Variants in DIS3L2 observed in about 807,000 individuals in gnomAD.
DIS3L2 encodes the protein DIS3 like 3'-5' exoribonuclease 2.
In DIS3L2, 34 loss-of-function variants were observed where a neutral mutation model predicts 97.5. The observed-to-expected ratio is 0.35, with a 90% CI of 0.27 to 0.46. The LOEUF (loss-of-function observed/expected upper bound fraction) is 0.46, where lower values mean the gene tolerates loss of function less well. DIS3L2 is among the 20% of genes least tolerant of loss of function. The probability of loss-of-function intolerance (pLI) is 1.00; values close to 1 mark genes in which losing one functional copy is unlikely to be tolerated. For synonymous variants in DIS3L2, 435 were observed against 445.2 expected, an observed-to-expected ratio of 0.98 and a Z score of 0.29; for missense variants, 1,038 against 1,146.0, an observed-to-expected ratio of 0.91 and a Z score of 1.36.
chr2:232,052,006 G>A (rs894881090), intron 5 of DIS3L2, among the ~76,000 whole-genome samples: 8 of 151,316 alleles, frequency 5.3e-5, no homozygotes, highest in African/African-American at 1.9e-4. Flanking sequence ...AGTTGATTTT[G>A]GATTTGTTTT....
chr2:232,310,035 C>T (rs999948213), intron 14 of DIS3L2, among the ~76,000 whole-genome samples: 2 of 152,222 alleles, frequency 1.3e-5, no homozygotes, highest in Non-Finnish European at 2.9e-5. Flanking sequence ...CAACACTTCC[C>T]AGTACTTTGG....
In DIS3L2 at chr2:232,037,795, C is replaced by T. The variant is rs906808036; in HGVS notation, c.366+7715C>T. ...TTCCCTTGGCTAGGGGTGGGAGTTC[C>T]CTGACTCCTTGCACTTCCTGGGTGA... On this transcript the variant is annotated intron_variant, in intron 5 of 20. Coordinates refer to ENST00000325385, the MANE Select transcript of DIS3L2 (RefSeq NM_152383.5). This position sits in a 1 kb window ranked among gnomAD's most constrained non-coding sequence, Gnocchi z 4.6. Among the ~76,000 whole-genome samples the T allele has an allele frequency of 6.6e-6, 1 of 152,172 alleles. No homozygotes were observed. The highest frequency in any genetic ancestry group is 1.5e-5 in the Non-Finnish European group (1 of 68,024).
At chr2:232,284,528 C>T (rs1250917804) in intron 13 of DIS3L2, among the ~76,000 whole-genome samples, 1 of 152,252 alleles carries the variant, frequency 6.6e-6, no homozygotes, top group East Asian at 1.9e-4. Context: ...ATTCATGGAA[C>T]ATTGAATATT....
chr2:231,979,845 G>A (rs574403871), intron 1 of DIS3L2, among the ~76,000 whole-genome samples: 1 of 152,226 alleles, frequency 6.6e-6, no homozygotes, highest in Admixed American at 6.5e-5. Context: ...CAAAGTGCTG[G>A]GATTACAGTC....
intron 14 of DIS3L2, among the ~76,000 whole-genome samples, chr2:232,306,850 C>T (rs1026025516): frequency 3.9e-5 from 6 of 152,256 alleles, no homozygotes; most frequent in Non-Finnish European, 8.8e-5. Context: ...GTCTTCCTGC[C>T]CTGGCACCCT....
chr2:232,231,669 G>A (rs1055836153), intron 10 of DIS3L2, among the ~76,000 whole-genome samples: 1 of 152,248 alleles, frequency 6.6e-6, no homozygotes, highest in Non-Finnish European at 1.5e-5. Flanking sequence ...TTGCAGACCT[G>A]GTATGGAGAG....
chr2:232,186,741 G>A (rs189949000), intron 9 of DIS3L2, among the ~76,000 whole-genome samples: 43 of 152,294 alleles, frequency 2.8e-4, no homozygotes, highest in South Asian at 2.1e-3. Context: ...CTATGACCTA[G>A]TATGATTTAT....
At chr2:232,181,840 T>TG (rs1303280787) in intron 9 of DIS3L2, among the ~76,000 whole-genome samples, 1 of 152,072 alleles carries the variant, frequency 6.6e-6, no homozygotes, top group East Asian at 1.9e-4. Flanking sequence ...TTAGTAATGA[T>TG]GGGGTTTCAC....
intron 5 of DIS3L2, among the ~76,000 whole-genome samples, chr2:232,054,614 ATTTG>A (rs1204153071): frequency 1.8e-5 from 2 of 114,164 alleles, no homozygotes; most frequent in Middle Eastern, 5.2e-3. Flanking sequence ...AAACTCATTC[ATTTG>A]AGACTTATTT....
intron 9 of DIS3L2, among the ~76,000 whole-genome samples, chr2:232,167,905 C>T (rs1017557632): frequency 8.6e-5 from 13 of 151,936 alleles, no homozygotes; most frequent in East Asian, 1.9e-4. Context: ...AAAAATTAGC[C>T]GGGTGTGGTG....
chr2:232,220,340 T>TAATA (rs779060262), intron 10 of DIS3L2, among the ~76,000 whole-genome samples: 1 of 151,282 alleles, frequency 6.6e-6, no homozygotes, highest in African/African-American at 2.4e-5. Flanking sequence ...TGTTGTTAAA[T>TAATA]AATAAATAAA....
intron 6 of DIS3L2, among the ~76,000 whole-genome samples, chr2:232,105,796 A>G (rs1483619396): frequency 1.3e-5 from 2 of 152,200 alleles, no homozygotes. Flanking sequence ...CAGGCTCCCA[A>G]CATGTCAGTC....
rs376406633 is a variant in DIS3L2 at position 232,095,627 on chromosome 2, T to G, written c.601+7906T>G. 7.2e-5 allele frequency among the ~76,000 whole-genome samples: 11 copies of G among 152,340 alleles called. No homozygotes were observed. In the East Asian group the frequency reaches 1.7e-3, roughly 24 times the overall value. On this transcript the variant is annotated intron_variant, in intron 6 of 20. Coordinates refer to ENST00000325385, the MANE Select transcript of DIS3L2 (RefSeq NM_152383.5). ...GTTACAGTGTTATAATATTTCAGTG[T>G]TTTTCTGTGTACCTACTATTATCAG...
intron 9 of DIS3L2, among the ~76,000 whole-genome samples, chr2:232,192,286 T>G (rs78387793): frequency 0.015 from 2,353 of 152,320 alleles, 64 homozygotes; most frequent in African/African-American, 0.054. Flanking sequence ...AAAGAAACTG[T>G]GGCTCTGAGT....
intron 12 of DIS3L2, among the ~76,000 whole-genome samples, chr2:232,250,048 G>A (rs1415897055): frequency 6.6e-6 from 1 of 152,126 alleles, no homozygotes; most frequent in Admixed American, 6.5e-5. Flanking sequence ...GCAGGAGAGA[G>A]ATACATGAAA....
At chr2:231,966,058 A>G (rs532297946) in intron 1 of DIS3L2, among the ~76,000 whole-genome samples, 1 of 152,356 alleles carries the variant, frequency 6.6e-6, no homozygotes, top group South Asian at 2.1e-4. Flanking sequence ...GAGCATGAGT[A>G]AAAGTAAAAC....
intron 11 of DIS3L2, among the ~76,000 whole-genome samples, chr2:232,238,907 C>T (rs539020818): frequency 4.5e-4 from 69 of 152,248 alleles, no homozygotes; most frequent in African/African-American, 1.3e-3. Flanking sequence ...CCCACACTAG[C>T]GACTAGTTTT....
rs200455652 is a variant in DIS3L2 at position 232,000,727 on chromosome 2, T to TC, written c.-93-14108_-93-14107insC. Among the ~76,000 whole-genome samples, 973 of 103,808 alleles carry TC rather than the reference T, an allele frequency of 9.4e-3. 18 individuals are homozygous for TC. The highest frequency in any genetic ancestry group is 0.017 in the African/African-American group (563 of 34,036). 68.1% of individuals were successfully genotyped at this position (103,808 alleles called of 152,430 possible). A position where few individuals can be genotyped will look rare whatever the true frequency, so the allele number is the denominator to read the frequency against. On this transcript the variant is annotated intron_variant, in intron 1 of 20. Transcript: ENST00000325385. ...TTCCTTCTTTCTTTCTTCTTCTTCT[T>TC]TTTTTTTTTTTTTTTTTTAAGAGAC...
At chr2:231,993,349 G>C (rs1043291743) in intron 1 of DIS3L2, among the ~76,000 whole-genome samples, 1 of 152,116 alleles carries the variant, frequency 6.6e-6, no homozygotes, top group Non-Finnish European at 1.5e-5. Flanking sequence ...GAGTAGCTGG[G>C]ACTGCAGGTG....
Sources: allele counts gnomAD v4.1 joint callset (sites outside exome capture counted in the v4.1 genomes callset), GRCh38; gene constraint gnomAD v4.1.1; non-coding constraint Gnocchi (gnomAD v3.1); transcripts MANE v1.5; gene names NCBI Gene and HGNC (gene_info 2026-07-23, HGNC 2026-07-21).